The following TVP23A variants were observed in gnomAD, a reference collection of about 807,000 sequenced individuals.
TVP23A encodes Golgi apparatus membrane protein TVP23 homolog A.
Under a neutral mutation model 31.7 loss-of-function variants are expected in TVP23A, and 21 were observed. The observed-to-expected ratio is 0.66, with a 90% CI of 0.47 to 0.95. The LOEUF (loss-of-function observed/expected upper bound fraction) is 0.95, where lower values mean the gene tolerates loss of function less well. Ranked by LOEUF, TVP23A falls within the 40% of genes least tolerant of loss-of-function variation. The probability of loss-of-function intolerance (pLI) is 0.00; values close to 1 mark genes in which losing one functional copy is unlikely to be tolerated. For synonymous variants in TVP23A, 104 were observed against 96.0 expected, an observed-to-expected ratio of 1.08 and a Z score of -0.49; for missense variants, 279 against 255.6, an observed-to-expected ratio of 1.09 and a Z score of -0.62.
chr16:10,764,247 T>G (rs1339409339), downstream of TVP23A, among the ~76,000 whole-genome samples: 2 of 152,280 alleles, frequency 1.3e-5, no homozygotes, highest in African/African-American at 2.4e-5. Flanking sequence ...CATCTTAGCC[T>G]GCTGGAGCAC....
intron 3 of TVP23A, among the ~76,000 whole-genome samples, chr16:10,774,464 G>A (rs555743807): frequency 5.9e-5 from 9 of 151,952 alleles, no homozygotes; most frequent in South Asian, 4.2e-4. Flanking sequence ...TAATTCCCAC[G>A]TGTTGTGGGG....
intron 2 of TVP23A, among the ~76,000 whole-genome samples, chr16:10,814,475 T>C (rs1268851666): frequency 6.6e-6 from 1 of 152,042 alleles, no homozygotes; most frequent in East Asian, 1.9e-4. Context: ...CTACCCCACA[T>C]CTTGACCACC....
intron 2 of TVP23A, among the ~76,000 whole-genome samples, chr16:10,814,654 G>A (rs559953739): frequency 6.6e-6 from 1 of 152,224 alleles, no homozygotes; most frequent in Non-Finnish European, 1.5e-5. Flanking sequence ...GAACTGCCCT[G>A]CCCAATGCCA....
Position 10,767,879 on chromosome 16 carries a change from G to A in TVP23A, c.*1223C>T. On this transcript the variant is annotated 3_prime_UTR_variant, in exon 8 of 8. Transcript: ENST00000299866. The surrounding 1 kb of genome is among the most constrained non-coding windows in gnomAD (Gnocchi z 4.6). The stretch of plus-strand genomic sequence containing the variant: ...TCCCATTGTCACCAGCACGGAAAGA[G>A]CCCCAAGATCTTGTGGCCATTCTGT... The A allele has an allele frequency of 3.6e-6, 5 of 1,394,888 alleles. No homozygotes were observed. The South Asian group carries it at 5.8e-5, about 16-fold the overall frequency. The allele number at this position is 1,394,888 out of a possible 1,614,324, so 86.4% of individuals were successfully genotyped here.
chr16:10,789,738 G>A (rs1264276054), intron 2 of TVP23A, among the ~76,000 whole-genome samples: 1 of 151,064 alleles, frequency 6.6e-6, no homozygotes, highest in African/African-American at 2.4e-5. Context: ...GGGAGGCTGA[G>A]GCAAAAGGCT....
downstream of TVP23A, among the ~76,000 whole-genome samples, chr16:10,762,475 A>T (rs2030082303): frequency 6.6e-6 from 1 of 151,990 alleles, no homozygotes. Flanking sequence ...CCGGGCGCCC[A>T]CTCGCCGCGG....
At chr16:10,797,839 G>A (rs1173621644) in intron 2 of TVP23A, among the ~76,000 whole-genome samples, 3 of 152,052 alleles carry the variant, frequency 2.0e-5, no homozygotes, top group Admixed American at 6.6e-5. Flanking sequence ...ATAGAAATGC[G>A]AAATGATTGG....
At chr16:10,792,269 C>T (rs867281073) in intron 2 of TVP23A, among the ~76,000 whole-genome samples, 1 of 152,168 alleles carries the variant, frequency 6.6e-6, no homozygotes, top group Non-Finnish European at 1.5e-5. Context: ...AGACAATGAA[C>T]CCCAGGTATT....
chr16:10,761,594 A>C, intron 8 of TVP23A: 2 of 1,028,424 alleles, frequency 1.9e-6, no homozygotes, highest in Non-Finnish European at 2.9e-6. Context: ...GTGGAATCAC[A>C]ATTAAAATCC....
intron 2 of TVP23A, among the ~76,000 whole-genome samples, chr16:10,813,506 A>G (rs4780999): frequency 0.17 from 25,879 of 152,206 alleles, 5,964 homozygotes; most frequent in African/African-American, 0.52. Context: ...CACTTTGGGA[A>G]GATGAGGCAG....
rs1315268292 is a variant in TVP23A at position 10,775,051 on chromosome 16, G to T, written c.135C>A (p.Ala45=). 5.0e-6 allele frequency: 8 copies of T among 1,611,832 alleles called. No individual in the cohort carries two copies. Among genetic ancestry groups the T allele is most frequent in the Non-Finnish European group, 6.8e-6 (8 of 1,178,926 alleles). The change falls in exon 3 of 8, where the codon GCC becomes GCA. Residue 45 remains alanine, a synonymous_variant. Transcript: ENST00000299866. ...AGTCGCAGCTCACGTAGGTGACGAT[G>T]GCACTCACTCGGAAAAACAGGTGGA... The part of the protein sequence containing the change: ...TFFHLFFRVS[A]IVTYVSCDWF...
intron 2 of TVP23A, among the ~76,000 whole-genome samples, chr16:10,786,456 C>G (rs1459547831): frequency 6.6e-6 from 1 of 152,062 alleles, no homozygotes; most frequent in Non-Finnish European, 1.5e-5. Flanking sequence ...ATACCCTTTA[C>G]TTTGAAAACT....
Position 10,818,242 on chromosome 16 carries a change from C to G in TVP23A, c.10-60G>C, listed in dbSNP as rs2034528525. On this transcript the variant is annotated intron_variant, in intron 1 of 7. Transcript: ENST00000299866. The surrounding 1 kb of genome is among the most constrained non-coding windows in gnomAD (Gnocchi z 4.7). ...GCACGGCGCACACCCCAACCCCACC[C>G]GCCCTGTCCTCCTGGGCTTGGACTC... The G allele has an allele frequency of 1.4e-6, 2 of 1,422,546 alleles. No homozygotes were observed. The highest frequency in any genetic ancestry group is 3.9e-5 in the Admixed American group (2 of 50,922). The allele number at this position is 1,422,546 out of a possible 1,614,324, so 88.1% of individuals were successfully genotyped here.
chr16:10,762,567 G>T (rs1003514796), downstream of TVP23A, among the ~76,000 whole-genome samples: 5 of 152,128 alleles, frequency 3.3e-5, no homozygotes. Context: ...GCGGGCCTCC[G>T]TTACTGGGGC....
chr16:10,770,459 C>T (rs2031498714), intron 6 of TVP23A, 128 bp from the exon 7 acceptor site: 1 of 989,696 alleles, frequency 1.0e-6, no homozygotes, highest in Non-Finnish European at 1.5e-6. Context: ...GATGTCTTGG[C>T]ATAAAGCAGT....
At chr16:10,796,917 T>C (rs765110693) in intron 2 of TVP23A, among the ~76,000 whole-genome samples, 2 of 152,108 alleles carry the variant, frequency 1.3e-5, no homozygotes, top group African/African-American at 4.8e-5. Flanking sequence ...TTTAGAAAAC[T>C]GGAATCTGGG....
rs574930214 is a variant in TVP23A at position 10,790,859 on chromosome 16, CTGTT to C, written c.90-15767_90-15764del. Among the ~76,000 whole-genome samples the C allele has an allele frequency of 9.2e-5, 14 of 152,264 alleles. No individual in the cohort carries two copies. The East Asian group carries it at 1.9e-3, about 21-fold the overall frequency. On this transcript the variant is annotated intron_variant, in intron 2 of 7. Coordinates refer to ENST00000299866, the MANE Select transcript of TVP23A (RefSeq NM_001079512.4). ...TTGGGATGTCATTGCTAAAAACAAT[CTGTT>C]TGTCCAGTATTAAGGTCCCTGTGTT... is the stretch of plus-strand genomic sequence containing the variant.
downstream of TVP23A, among the ~76,000 whole-genome samples, chr16:10,760,612 C>G (rs977583227): frequency 6.6e-6 from 1 of 152,188 alleles, no homozygotes; most frequent in African/African-American, 2.4e-5. Context: ...TAGCACATGC[C>G]TGTAGTCCCA....
At chr16:10,757,884 C>T, downstream of TVP23A, 2 of 1,613,694 alleles carry the variant, frequency 1.2e-6, no homozygotes, top group Non-Finnish European at 8.5e-7. This position sits in a 1 kb window ranked among gnomAD's most constrained non-coding sequence, Gnocchi z 4.1. Context: ...CATGATCAAG[C>T]AGTTCCTCCG....
Sources: allele counts gnomAD v4.1 joint callset (sites outside exome capture counted in the v4.1 genomes callset), GRCh38; gene constraint gnomAD v4.1.1; non-coding constraint Gnocchi (gnomAD v3.1); transcripts MANE v1.5; gene names NCBI Gene and HGNC (gene_info 2026-07-23, HGNC 2026-07-21).